PXDNL: variants seen among roughly 807,000 people sequenced by gnomAD.
The protein encoded by PXDNL is probable oxidoreductase PXDNL.
A neutral mutation model predicts 150.8 loss-of-function variants in PXDNL; 145 were observed. That is an observed-to-expected ratio of 0.96 (90% CI 0.84 to 1.10). The LOEUF is 1.10. PXDNL is among the 50% of genes least tolerant of loss of function. PXDNL has a pLI of 0.00. For synonymous variants in PXDNL, 757 were observed against 725.7 expected, an observed-to-expected ratio of 1.04 and a Z score of -0.69; for missense variants, 2,087 against 1,873.9, an observed-to-expected ratio of 1.11 and a Z score of -2.10.
intron 22 of PXDNL, 80 bp from the exon 23 acceptor site, chr8:51,320,102 T>A: frequency 2.6e-6 from 3 of 1,150,270 alleles, no homozygotes; most frequent in Non-Finnish European, 3.4e-6. Flanking sequence ...TTTCTTATAA[T>A]ACATAATCTA....
intron 1 of PXDNL, among the ~76,000 whole-genome samples, chr8:51,662,472 C>T (rs1405441644): frequency 1.3e-5 from 2 of 152,038 alleles, no homozygotes; most frequent in Admixed American, 6.6e-5. Context: ...GATTGTGCCA[C>T]TGCACTCTAG....
At chr8:51,530,624 A>G (rs896789400) in intron 4 of PXDNL, among the ~76,000 whole-genome samples, 1 of 152,056 alleles carries the variant, frequency 6.6e-6, no homozygotes, top group Non-Finnish European at 1.5e-5. Flanking sequence ...CTGCCCAACC[A>G]GCTCCCTGCT....
intron 4 of PXDNL, 70 bp from the exon 5 acceptor site, chr8:51,499,840 C>T: frequency 1.0e-6 from 1 of 983,850 alleles, no homozygotes; most frequent in Non-Finnish European, 1.6e-6. Flanking sequence ...GAAGAATTAG[C>T]AATTGCTTCA....
intron 12 of PXDNL, chr8:51,436,224 T>C: frequency 1.9e-6 from 1 of 522,374 alleles, no homozygotes; most frequent in Admixed American, 2.0e-5. Flanking sequence ...ATGTGTTGAC[T>C]TTCACCATTT....
intron 14 of PXDNL, among the ~76,000 whole-genome samples, chr8:51,419,149 G>A (rs544629257): frequency 6.6e-6 from 1 of 152,324 alleles, no homozygotes; most frequent in African/African-American, 2.4e-5. Flanking sequence ...CCACCAAAAT[G>A]AGGTGCCACA....
chr8:51,775,574 T>C (rs1012166629), intron 1 of PXDNL, among the ~76,000 whole-genome samples: 4 of 152,226 alleles, frequency 2.6e-5, no homozygotes, highest in African/African-American at 9.6e-5. Flanking sequence ...AATACTTTTA[T>C]AATTTCTTAT....
At chr8:51,788,304 G>T (rs1230522992) in intron 1 of PXDNL, among the ~76,000 whole-genome samples, 1 of 152,204 alleles carries the variant, frequency 6.6e-6, no homozygotes, top group Non-Finnish European at 1.5e-5. Flanking sequence ...AGCTAGGAAT[G>T]AAATCATTGT....
intron 4 of PXDNL, among the ~76,000 whole-genome samples, chr8:51,534,327 G>GC (rs1405218594): frequency 6.8e-6 from 1 of 146,802 alleles, no homozygotes; most frequent in Non-Finnish European, 1.5e-5. Flanking sequence ...TCTACGCCCG[G>GC]CAGCCACCCC....
intron 1 of PXDNL, among the ~76,000 whole-genome samples, chr8:51,730,188 G>A (rs1408835395): frequency 8.0e-6 from 1 of 125,092 alleles, no homozygotes; most frequent in Non-Finnish European, 1.7e-5. Context: ...GGTATTGACA[G>A]GGGGTAGCTT....
intron 4 of PXDNL, among the ~76,000 whole-genome samples, chr8:51,504,415 T>A (rs2130309707): frequency 6.6e-6 from 1 of 152,264 alleles, no homozygotes; most frequent in Middle Eastern, 3.4e-3. Context: ...GCCACATACC[T>A]GCCATACTCC....
At chr8:51,411,848 A>T (rs906674169) in intron 15 of PXDNL, among the ~76,000 whole-genome samples, 1 of 152,118 alleles carries the variant, frequency 6.6e-6, no homozygotes, top group Non-Finnish European at 1.5e-5. Context: ...AATCCTCCTC[A>T]GGCCTCACTC....
intron 4 of PXDNL, among the ~76,000 whole-genome samples, chr8:51,508,506 C>T (rs1811338728): frequency 6.6e-6 from 1 of 152,194 alleles, no homozygotes; most frequent in Non-Finnish European, 1.5e-5. Context: ...TTCCAGGATG[C>T]CATCCTCCCA....
intron 2 of PXDNL, among the ~76,000 whole-genome samples, chr8:51,639,516 G>A (rs1233403063): frequency 1.3e-5 from 2 of 151,920 alleles, no homozygotes; most frequent in Admixed American, 6.6e-5. Flanking sequence ...AATGATAAAG[G>A]GGATATCACC....
intron 1 of PXDNL, among the ~76,000 whole-genome samples, chr8:51,692,844 A>G (rs1193916454): frequency 6.6e-6 from 1 of 152,260 alleles, no homozygotes; most frequent in Admixed American, 6.5e-5. Context: ...CCCATGGAAA[A>G]CATGCCCTAG....
intron 1 of PXDNL, among the ~76,000 whole-genome samples, chr8:51,761,025 A>ATTTTTTTTTTTTT (rs71237238): frequency 8.7e-5 from 10 of 114,492 alleles, no homozygotes; most frequent in Non-Finnish European, 1.0e-4. Context: ...CGCCCGGCTA[A>ATTTTTTTTTTTTT]TTTTTTTTTT....
chr8:51,457,191 A>G (rs1037337833), intron 9 of PXDNL, among the ~76,000 whole-genome samples: 4 of 152,240 alleles, frequency 2.6e-5, no homozygotes, highest in African/African-American at 9.6e-5. Flanking sequence ...TGAATTTTTG[A>G]AAAGAGTAAT....
At chr8:51,523,876 A>C (rs1206759955) in intron 4 of PXDNL, among the ~76,000 whole-genome samples, 1 of 152,216 alleles carries the variant, frequency 6.6e-6, no homozygotes, top group African/African-American at 2.4e-5. Context: ...GAAATCAGAG[A>C]ATTCTCTGAT....
intron 3 of PXDNL, among the ~76,000 whole-genome samples, chr8:51,569,209 A>G (rs1812880513): frequency 6.6e-6 from 1 of 151,850 alleles, no homozygotes; most frequent in Non-Finnish European, 1.5e-5. Flanking sequence ...AACTGAGGTA[A>G]ATAATTTTTC....
intron 1 of PXDNL, among the ~76,000 whole-genome samples, chr8:51,783,133 T>A (rs1482329640): frequency 6.6e-6 from 1 of 152,200 alleles, no homozygotes. Flanking sequence ...ATCAGTGCCG[T>A]TTTACTTGGA....
Sources: allele counts gnomAD v4.1 joint callset (sites outside exome capture counted in the v4.1 genomes callset), GRCh38; gene constraint gnomAD v4.1.1; transcripts MANE v1.5; gene names NCBI Gene and HGNC (gene_info 2026-07-23, HGNC 2026-07-21).